Variants in IMPDH2 observed in about 807,000 individuals in gnomAD.
IMPDH2 encodes the protein inosine-5'-monophosphate dehydrogenase 2.
Under a neutral mutation model 57.8 loss-of-function variants are expected in IMPDH2, and 33 were observed. That is an observed-to-expected ratio of 0.57 (90% CI 0.43 to 0.76). IMPDH2 has a LOEUF of 0.76. Among genes scored for constraint, IMPDH2 ranks in the 30% least tolerant of loss-of-function variants. The pLI, the probability that IMPDH2 is intolerant of heterozygous loss-of-function variation, is 0.00. For synonymous variants in IMPDH2, 270 were observed against 241.3 expected (o/e 1.12, Z -1.10); for missense variants, 446 against 659.1 (o/e 0.68, Z 3.54).
Position 49,026,863 on chromosome 3 carries a change from CT to C in IMPDH2, c.642del (p.Asp215MetfsTer13). 6.2e-6 allele frequency: 10 copies of C among 1,614,250 alleles called. No homozygotes were observed. Among genetic ancestry groups the C allele is most frequent in the Non-Finnish European group, 8.5e-6 (10 of 1,180,034 alleles). On this transcript the variant is annotated frameshift_variant, in exon 7 of 14. Transcript: ENST00000326739. LOFTEE classifies it high-confidence loss of function. ...GCAATGATGGCCACAAGCTCATCAT[CT>C]TCATTTACAATGGGCAACTTTCCTG... Reference protein sequence around the residue: ...SKKGKLPIVNEDDELVAIIAR... With the variant: ...SKKGKLPIVNXDDELVAIIAR...
rs745860002 is a variant in IMPDH2 at position 49,028,747 on chromosome 3, A to G, written c.147+11T>C. On this transcript the variant is annotated intron_variant, in intron 2 of 13. Transcript: ENST00000326739. The stretch of plus-strand genomic sequence containing the variant: ...CTTGATGTTCAGGACCCAATTCCTG[A>G]TCATACTCACCACCTGGTCTGCAGT... The G allele has an allele frequency of 1.2e-6, 2 of 1,610,774 alleles. No homozygotes were observed. The highest frequency in any genetic ancestry group is 1.7e-6 in the Non-Finnish European group (2 of 1,177,066).
Position 49,029,345 on chromosome 3 carries a change from G to C in IMPDH2, c.6C>G (p.Ala2=), listed in dbSNP as rs374574877. M[A]DYLISGGTSY... ...ACGTGCCCCCACTAATCAGGTAGTC[G>C]GCCATGGCCAACACAGGACACCGCC... Residue 2 remains alanine (A), a synonymous_variant, in exon 1 of 14, where the codon GCC becomes GCG. Transcript: ENST00000326739. 6.9e-6 allele frequency: 11 copies of C among 1,592,672 alleles called. No individual in the cohort carries two copies. The African/African-American group carries it at 1.3e-4, about 19-fold the overall frequency.
rs1384435064 is a variant in IMPDH2 at position 49,028,743 on chromosome 3, C to T, written c.147+15G>A. 3.5e-5 allele frequency: 56 copies of T among 1,609,342 alleles called. No individual in the cohort carries two copies. In the East Asian group the frequency reaches 1.2e-3, roughly 36 times the overall value. On this transcript the variant is annotated intron_variant, in intron 2 of 13. Transcript: ENST00000326739. ...TCACCTTGATGTTCAGGACCCAATT[C>T]CTGATCATACTCACCACCTGGTCTG...
intron 1 of IMPDH2, 192 bp downstream of exon 1, chr3:49,029,061 C>T: frequency 1.5e-6 from 1 of 648,842 alleles, no homozygotes; most frequent in Non-Finnish European, 2.8e-6. Flanking sequence ...AGATTCCAAG[C>T]ACTACTGAGA....
At chr3:49,028,952 G>A in intron 1 of IMPDH2, 146 bp from the exon 2 acceptor site, 1 of 733,290 alleles carries the variant, frequency 1.4e-6, no homozygotes, top group Non-Finnish European at 2.4e-6. Context: ...AGCACAAGGT[G>A]GAAATGGGTA....
intron 7 of IMPDH2, 21 bp downstream of exon 7, chr3:49,026,666 C>T (rs376683120): frequency 1.9e-6 from 3 of 1,613,660 alleles, no homozygotes; most frequent in Non-Finnish European, 2.5e-6. Context: ...ATTGCCCCAA[C>T]CCACCTGTGT....
intron 1 of IMPDH2, 144 bp from the exon 2 acceptor site, chr3:49,028,950 G>A: frequency 5.5e-6 from 4 of 733,588 alleles, no homozygotes; most frequent in East Asian, 2.7e-5. Flanking sequence ...ACAGCACAAG[G>A]TGGAAATGGG....
At chr3:49,026,154 A>AT in intron 9 of IMPDH2, 170 bp downstream of exon 9, 1 of 694,194 alleles carries the variant, frequency 1.4e-6, no homozygotes, top group African/African-American at 1.7e-5. Flanking sequence ...CAGGTGATGG[A>AT]TGACAAGACC....
chr3:49,026,251 A>G (rs886605323), intron 9 of IMPDH2, 73 bp downstream of exon 9: 2 of 1,137,874 alleles, frequency 1.8e-6, no homozygotes, highest in African/African-American at 1.5e-5. Flanking sequence ...TGTCCCCATA[A>G]GAGTGCTTGG....
At position 49,027,712 on chromosome 3, in the gene IMPDH2, C is replaced by A; in HGVS notation, c.529G>T (p.Glu177Ter). ...TCTACTCTGCCAGTGGCACCCACCT[C>A]TTCCAAGAAACAGTCATGTTCCTCC... ...KEEEHDCFLE[E>*]IMTKREDLVV... The change falls in exon 5 of 14, where the codon GAG (glutamate) becomes TAG (stop). Residue 177 changes from glutamate (E) to a stop codon, truncating the protein, a stop_gained and splice_region_variant. Coordinates refer to ENST00000326739, the MANE Select transcript of IMPDH2 (RefSeq NM_000884.3). LOFTEE classifies it high-confidence loss of function. 6.2e-7 allele frequency: 1 copy of A among 1,614,010 alleles called. No individual in the cohort carries two copies. Among genetic ancestry groups the A allele is most frequent in the Non-Finnish European group, 8.5e-7 (1 of 1,179,860 alleles).
intron 9 of IMPDH2, chr3:49,025,479 C>T: frequency 3.4e-6 from 2 of 589,052 alleles, no homozygotes; most frequent in South Asian, 1.9e-5. Flanking sequence ...CCCACATGTG[C>T]ACGTGCATGT....
rs1355138883 is a variant in IMPDH2, at chr3:49,024,893, CA to C, written c.1295+2del. Reference sequence around the variant, plus strand: ...GGTGGGGTAACTGGCTTGCCTGTCCCACCTGAAATATCTGTTCTGGCTGCTG... The same window carrying C: ...GGTGGGGTAACTGGCTTGCCTGTCCCCCTGAAATATCTGTTCTGGCTGCTG... On this transcript the variant is annotated splice_donor_variant, in intron 11 of 13. Coordinates refer to ENST00000326739, the MANE Select transcript of IMPDH2 (RefSeq NM_000884.3). LOFTEE classifies it high-confidence loss of function. 1.6e-5 allele frequency: 26 copies of C among 1,614,100 alleles called. No homozygotes were observed. The highest frequency in any genetic ancestry group is 2.2e-5 in the Non-Finnish European group (26 of 1,180,058).
intron 9 of IMPDH2, 132 bp from the exon 10 acceptor site, chr3:49,025,401 G>C: frequency 1.1e-6 from 1 of 942,690 alleles, no homozygotes; most frequent in Middle Eastern, 3.2e-4. Flanking sequence ...AGGAACAGAC[G>C]TGTCTGGGAT....
In IMPDH2 at chr3:49,029,363, ACACCGCCGCGTGTCTCCGAGGACCG is replaced by A. The variant is rs756555516; in HGVS notation, c.-38_-14del. ...GGTAGTCGGCCATGGCCAACACAGGACACCGCCGCGTGTCTCCGAGGACCGCGCCGCAGAGACCTCTGCCGTCTGG... is the reference window on the plus strand; with the variant it reads ...GGTAGTCGGCCATGGCCAACACAGGACGCCGCAGAGACCTCTGCCGTCTGG... On this transcript the variant is annotated 5_prime_UTR_variant, in exon 1 of 14. Coordinates refer to ENST00000326739, the MANE Select transcript of IMPDH2 (RefSeq NM_000884.3). The A allele has an allele frequency of 3.7e-5, 58 of 1,561,354 alleles. 2 individuals carry two copies. The South Asian group carries it at 6.4e-4, about 17-fold the overall frequency.
intron 9 of IMPDH2, 171 bp downstream of exon 9, chr3:49,026,153 G>A (rs2093197848): frequency 2.9e-6 from 2 of 694,102 alleles, no homozygotes; most frequent in African/African-American, 1.8e-5. Context: ...GCAGGTGATG[G>A]ATGACAAGAC....
At chr3:49,027,512 G>A (rs891459946) in intron 5 of IMPDH2, among the ~76,000 whole-genome samples, 198 bp downstream of exon 5, 1 of 152,180 alleles carries the variant, frequency 6.6e-6, no homozygotes, top group Non-Finnish European at 1.5e-5. Context: ...AACAAAGCAT[G>A]AATACTAGCA....
chr3:49,029,019 C>A (rs1421080710), intron 1 of IMPDH2: 9 of 648,232 alleles, frequency 1.4e-5, no homozygotes, highest in Non-Finnish European at 2.2e-5. Context: ...CCTGACAATT[C>A]CATGTGTCTG....
intron 9 of IMPDH2, among the ~76,000 whole-genome samples, chr3:49,025,678 G>A (rs948657086): frequency 1.3e-5 from 2 of 152,186 alleles, no homozygotes; most frequent in African/African-American, 2.4e-5. Context: ...GTGTAGGAGA[G>A]CAGGCTGTGG....
chr3:49,028,648 C>T (rs2093210226), intron 2 of IMPDH2, 110 bp downstream of exon 2: 3 of 1,313,176 alleles, frequency 2.3e-6, no homozygotes, highest in Non-Finnish European at 2.2e-6. Context: ...GCAACATGAT[C>T]CTATAAAATC....
Sources: allele counts gnomAD v4.1 joint callset (sites outside exome capture counted in the v4.1 genomes callset), GRCh38; gene constraint gnomAD v4.1.1; transcripts MANE v1.5; gene names NCBI Gene and HGNC (gene_info 2026-07-23, HGNC 2026-07-21).